The following HNRNPLL variants were observed in gnomAD, a reference collection of about 807,000 sequenced individuals.
HNRNPLL encodes the protein heterogeneous nuclear ribonucleoprotein L like, also known as heterogeneous nuclear ribonucleoprotein L-like.
In HNRNPLL, 25 loss-of-function variants were observed where a neutral mutation model predicts 67.1. That is an observed-to-expected ratio of 0.37 (90% CI 0.27 to 0.52). The LOEUF is 0.52. HNRNPLL is among the 20% of genes least tolerant of loss of function. The pLI, the probability that HNRNPLL is intolerant of heterozygous loss-of-function variation, is 0.90. For missense variants in HNRNPLL, 542 were observed against 673.9 expected, an observed-to-expected ratio of 0.80 and a Z score of 2.17; for synonymous variants, 267 against 241.7, an observed-to-expected ratio of 1.10 and a Z score of -0.97.
rs1274335268 is a variant in HNRNPLL at position 38,569,863 on chromosome 2, T to C, written c.1155A>G (p.Val385=). 3 of 1,560,914 alleles carry C rather than the reference T, an allele frequency of 1.9e-6. No homozygotes were observed. Among genetic ancestry groups the C allele is most frequent in the South Asian group, 1.1e-5 (1 of 89,420 alleles). The change falls in exon 9 of 13, where the codon GTA becomes GTG. Residue 385 remains valine (V), a synonymous_variant. Coordinates refer to ENST00000449105, the MANE Select transcript of HNRNPLL (RefSeq NM_138394.4). ...ALVEMGDEYA[V]ERAVTHLNNV... is the part of the protein sequence containing the mutation. ...TATTAAGGTGTGTGACAGCTCTTTC[T>C]ACAGCATACTCATCACCCATTTCTA...
intron 2 of HNRNPLL, 33 bp from the exon 3 acceptor site, chr2:38,585,914 C>A: frequency 1.6e-6 from 2 of 1,243,380 alleles, no homozygotes; most frequent in South Asian, 1.2e-5. Flanking sequence ...AACACACAAA[C>A]ACAGCAAGTT....
intron 6 of HNRNPLL, among the ~76,000 whole-genome samples, chr2:38,580,710 G>C (rs1666493510): frequency 6.6e-6 from 1 of 152,168 alleles, no homozygotes; most frequent in African/African-American, 2.4e-5. Context: ...CACACAGTTA[G>C]TTGAACAATT....
chr2:38,581,931 G>T lies in HNRNPLL; in HGVS notation c.784C>A (p.Pro262Thr). ...NDNDSWDYTK[P>T]YLGRRDRGKG... ...TACCTACCTCGTCTTCCCAAATATG[G>T]TTTAGTGTAGTCCCAACTGTCATTG... The change falls in exon 6 of 13, where the codon CCA becomes ACA. Residue 262 changes from proline (P) to threonine (T), a missense_variant. By Grantham distance (38) the Pro-to-Thr change is conservative. Coordinates refer to ENST00000449105, the MANE Select transcript of HNRNPLL (RefSeq NM_138394.4). 5.0e-6 allele frequency: 8 copies of T among 1,610,910 alleles called. No individual in the cohort carries two copies. The highest frequency in any genetic ancestry group is 6.8e-6 in the Non-Finnish European group (8 of 1,177,224).
intron 7 of HNRNPLL, among the ~76,000 whole-genome samples, chr2:38,575,817 C>T (rs965908109): frequency 6.6e-6 from 1 of 151,812 alleles, no homozygotes; most frequent in Non-Finnish European, 1.5e-5. Context: ...CTCAATATCA[C>T]TAGCACACAT....
intron 4 of HNRNPLL, among the ~76,000 whole-genome samples, chr2:38,582,573 G>T (rs1182844972): frequency 6.6e-6 from 1 of 151,716 alleles, no homozygotes; most frequent in East Asian, 2.0e-4. Flanking sequence ...GCCTCCCAAA[G>T]TGCTGGGATC....
At chr2:38,564,656 G>C (rs962672329) in intron 12 of HNRNPLL, among the ~76,000 whole-genome samples, 9 of 143,104 alleles carry the variant, frequency 6.3e-5, no homozygotes, top group African/African-American at 2.3e-4. Context: ...TCTAAGTAAA[G>C]TAAGGGAAAG....
chr2:38,596,890 C>T (rs969783363), intron 1 of HNRNPLL, among the ~76,000 whole-genome samples: 2 of 152,156 alleles, frequency 1.3e-5, no homozygotes, highest in African/African-American at 4.8e-5. Context: ...ATAATCTCTT[C>T]TTTAGGTTAA....
intron 1 of HNRNPLL, among the ~76,000 whole-genome samples, chr2:38,592,826 G>GT (rs1016917147): frequency 8.5e-5 from 13 of 152,084 alleles, no homozygotes; most frequent in African/African-American, 2.7e-4. Context: ...ATTTTTTAAA[G>GT]TTTTTTTCTC....
intron 2 of HNRNPLL, among the ~76,000 whole-genome samples, chr2:38,589,968 T>C (rs1229512025): frequency 6.6e-6 from 1 of 152,160 alleles, no homozygotes; most frequent in Non-Finnish European, 1.5e-5. Context: ...ACAGGGGTAG[T>C]CTACTGTCAA....
At chr2:38,602,365 G>C (rs1667477303) in intron 1 of HNRNPLL, 73 bp downstream of exon 1, 2 of 1,397,408 alleles carry the variant, frequency 1.4e-6, no homozygotes, top group Non-Finnish European at 1.9e-6. Context: ...AAGCAAGCGG[G>C]AGGCCCCGCA....
intron 1 of HNRNPLL, among the ~76,000 whole-genome samples, chr2:38,598,120 T>C (rs1371950148): frequency 1.3e-5 from 2 of 151,724 alleles, no homozygotes; most frequent in East Asian, 1.9e-4. Flanking sequence ...ACAAAACAAC[T>C]CCGTATTATT....
intron 1 of HNRNPLL, among the ~76,000 whole-genome samples, chr2:38,595,596 G>C (rs1292707486): frequency 9.9e-5 from 15 of 152,202 alleles, no homozygotes; most frequent in African/African-American, 3.4e-4. Context: ...TGTAATGCCA[G>C]CCCTTTGGGA....
intron 9 of HNRNPLL, 101 bp from the exon 10 acceptor site, chr2:38,569,435 C>CA: frequency 1.4e-6 from 1 of 736,280 alleles, no homozygotes; most frequent in Non-Finnish European, 2.2e-6. Flanking sequence ...AAATCTTAAC[C>CA]AAAAAAAGGC....
At chr2:38,585,175 A>G (rs1029256577) in intron 3 of HNRNPLL, among the ~76,000 whole-genome samples, 14 of 152,192 alleles carry the variant, frequency 9.2e-5, no homozygotes, top group African/African-American at 3.1e-4. Context: ...TCTACCAATA[A>G]CACTTTTCAA....
intron 1 of HNRNPLL, chr2:38,599,911 AAC>A: frequency 2.1e-6 from 1 of 471,424 alleles, no homozygotes; most frequent in Non-Finnish European, 4.4e-6. Flanking sequence ...CATTTACTTT[AAC>A]AGTCTGACCA....
chr2:38,584,931 A>C (rs1435876511), intron 3 of HNRNPLL, among the ~76,000 whole-genome samples: 2 of 151,880 alleles, frequency 1.3e-5, no homozygotes, highest in African/African-American at 4.8e-5. Flanking sequence ...CTATATATTA[A>C]TAAGTCTATA....
At chr2:38,580,721 T>G (rs2148357185) in intron 6 of HNRNPLL, among the ~76,000 whole-genome samples, 1 of 152,332 alleles carries the variant, frequency 6.6e-6, no homozygotes, top group Middle Eastern at 3.4e-3. Context: ...TTGAACAATT[T>G]TATCAGTCAA....
rs148904476 is a variant in HNRNPLL, at chr2:38,584,415, C to T, written c.547-489G>A. On this transcript the variant is annotated intron_variant, in intron 3 of 12. Coordinates refer to ENST00000449105, the MANE Select transcript of HNRNPLL (RefSeq NM_138394.4). ...GTATTTCTTCACCTACACAATACACCCACATTAAAGAAGTTCCAATGGAAC... is the reference window on the plus strand; with the variant it reads ...GTATTTCTTCACCTACACAATACACTCACATTAAAGAAGTTCCAATGGAAC... Among the ~76,000 whole-genome samples the T allele has an allele frequency of 7.2e-4, 110 of 152,186 alleles. 1 individual carries two copies. The Middle Eastern group carries it at 0.01, about 14-fold the overall frequency.
At chr2:38,597,073 A>G (rs1293210860) in intron 1 of HNRNPLL, among the ~76,000 whole-genome samples, 8 of 152,158 alleles carry the variant, frequency 5.3e-5, no homozygotes, top group Non-Finnish European at 1.0e-4. Flanking sequence ...TCACAGCAAT[A>G]CTAACTTTAA....
Sources: gnomAD v4.1 joint callset for allele counts (sites outside exome capture counted in the v4.1 genomes callset) on GRCh38, gnomAD v4.1.1 for gene constraint, MANE v1.5 for transcripts, NCBI Gene and HGNC (gene_info 2026-07-23, HGNC 2026-07-21) for gene names.